Variants in PTPRT observed in about 807,000 individuals in gnomAD.
PTPRT encodes the protein receptor-type tyrosine-protein phosphatase T.
A neutral mutation model predicts 176.8 loss-of-function variants in PTPRT; 56 were observed. That is an observed-to-expected ratio of 0.32 (90% CI 0.26 to 0.40). The LOEUF is 0.40. Among genes scored for constraint, PTPRT ranks in the 10% least tolerant of loss-of-function variants. The probability of loss-of-function intolerance (pLI) is 1.00; values close to 1 mark genes in which losing one functional copy is unlikely to be tolerated. For missense variants in PTPRT, 1,540 were observed against 1,908.2 expected (o/e 0.81, Z 3.60); for synonymous variants, 783 against 739.0 (o/e 1.06, Z -0.96).
downstream of PTPRT, among the ~76,000 whole-genome samples, chr20:42,070,868 A>G (rs1982294686): frequency 6.6e-6 from 1 of 152,148 alleles, no homozygotes; most frequent in Non-Finnish European, 1.5e-5. Flanking sequence ...TATGCCCCCA[A>G]ATATTTTTTT....
intron 7 of PTPRT, among the ~76,000 whole-genome samples, chr20:42,536,117 G>A (rs1272775539): frequency 6.6e-6 from 1 of 151,996 alleles, no homozygotes; most frequent in Non-Finnish European, 1.5e-5. Flanking sequence ...TCAGAGCTCT[G>A]CCAGGGACAG....
chr20:42,250,241 A>G (rs376148480), intron 13 of PTPRT, among the ~76,000 whole-genome samples: 3 of 152,184 alleles, frequency 2.0e-5, no homozygotes, highest in East Asian at 1.9e-4. Flanking sequence ...TAGTTTTCCC[A>G]TGTTAGCACA....
chr20:42,497,694 G>T (rs1205305110), intron 7 of PTPRT, among the ~76,000 whole-genome samples: 1 of 151,938 alleles, frequency 6.6e-6, no homozygotes, highest in Admixed American at 6.6e-5. Flanking sequence ...GTTTTAAGTT[G>T]TCATATAATA....
intron 12 of PTPRT, among the ~76,000 whole-genome samples, chr20:42,306,765 A>G (rs568151635): frequency 2.8e-4 from 42 of 152,296 alleles, no homozygotes; most frequent in Admixed American, 7.2e-4. Context: ...ACAGGAGCAC[A>G]TTGAGTTTCA....
intron 7 of PTPRT, among the ~76,000 whole-genome samples, chr20:42,543,438 C>T (rs2145586889): frequency 6.6e-6 from 1 of 152,260 alleles, no homozygotes; most frequent in African/African-American, 2.4e-5. Context: ...TGCATCAATT[C>T]AGCTATATCT....
At chr20:42,237,645 A>G (rs531223197) in intron 14 of PTPRT, among the ~76,000 whole-genome samples, 1 of 152,300 alleles carries the variant, frequency 6.6e-6, no homozygotes, top group South Asian at 2.1e-4. Flanking sequence ...ACTGGCTTCA[A>G]TCTCTTTCCA....
At chr20:42,675,711 G>A (rs2075490391) in intron 7 of PTPRT, among the ~76,000 whole-genome samples, 1 of 152,198 alleles carries the variant, frequency 6.6e-6, no homozygotes, top group African/African-American at 2.4e-5. Flanking sequence ...TGGATCAGCT[G>A]GTGAATGTCA....
rs914612724 is a variant in PTPRT at position 42,875,621 on chromosome 20, G to T, written c.214+10186C>A. On this transcript the variant is annotated intron_variant, in intron 2 of 30. Coordinates refer to ENST00000373187, the MANE Select transcript of PTPRT (RefSeq NM_007050.6). ...TTAGGTGTTAGTTGAATAAACCATG[G>T]TTCATTCACCCAGGAGAATATCATG... 9.2e-5 allele frequency among the ~76,000 whole-genome samples: 14 copies of T among 152,108 alleles called. 1 individual carries two copies. The highest frequency in any genetic ancestry group is 3.4e-4 in the African/African-American group (14 of 41,404).
At chr20:43,151,646 G>A (rs913027181) in intron 1 of PTPRT, among the ~76,000 whole-genome samples, 1 of 152,034 alleles carries the variant, frequency 6.6e-6, no homozygotes, top group Non-Finnish European at 1.5e-5. Flanking sequence ...AGGATCACCT[G>A]AGGTCAGGAG....
At chr20:42,934,030 A>G (rs1057385332) in intron 1 of PTPRT, among the ~76,000 whole-genome samples, 9 of 152,208 alleles carry the variant, frequency 5.9e-5, no homozygotes, top group Non-Finnish European at 7.3e-5. Flanking sequence ...TAACTTTCAG[A>G]TTCCTATAAA....
chr20:42,905,394 C>A (rs143536171), intron 1 of PTPRT, among the ~76,000 whole-genome samples: 3 of 152,080 alleles, frequency 2.0e-5, no homozygotes, highest in Admixed American at 6.5e-5. Context: ...TTAGAATGGC[C>A]ATCATTAAAA....
chr20:42,150,417 T>C (rs917535753), intron 17 of PTPRT, among the ~76,000 whole-genome samples: 4 of 152,184 alleles, frequency 2.6e-5, no homozygotes, highest in Admixed American at 2.0e-4. Context: ...TCCTGGCTGA[T>C]GCTCCAGGGC....
intron 7 of PTPRT, among the ~76,000 whole-genome samples, chr20:42,490,870 G>T (rs1377034588): frequency 6.6e-6 from 1 of 151,720 alleles, no homozygotes; most frequent in Non-Finnish European, 1.5e-5. Flanking sequence ...ATTTTCTAAG[G>T]GTTTTAAAAA....
chr20:42,404,711 T>A (rs2058942480), intron 9 of PTPRT, among the ~76,000 whole-genome samples: 1 of 152,040 alleles, frequency 6.6e-6, no homozygotes, highest in Admixed American at 6.6e-5. Context: ...AAATTTCAAA[T>A]GTAAGGAACT....
At chr20:42,582,676 G>A (rs1020033587) in intron 7 of PTPRT, among the ~76,000 whole-genome samples, 4 of 152,152 alleles carry the variant, frequency 2.6e-5, no homozygotes, top group African/African-American at 9.7e-5. Flanking sequence ...ACCCTTTAGT[G>A]GTTTGTTTTG....
At chr20:42,445,130 G>A (rs1362507421) in intron 9 of PTPRT, among the ~76,000 whole-genome samples, 5 of 152,304 alleles carry the variant, frequency 3.3e-5, no homozygotes, top group South Asian at 2.1e-4. Context: ...TATGGACCAC[G>A]CTAAGTTGCA....
intron 13 of PTPRT, among the ~76,000 whole-genome samples, chr20:42,253,538 C>A (rs1230970589): frequency 1.3e-5 from 2 of 152,074 alleles, no homozygotes; most frequent in Non-Finnish European, 2.9e-5. Context: ...GATTTGGGAA[C>A]TGGGAGAAGG....
intron 2 of PTPRT, among the ~76,000 whole-genome samples, chr20:42,866,972 A>G (rs940973764): frequency 6.6e-6 from 1 of 152,260 alleles, no homozygotes; most frequent in African/African-American, 2.4e-5. Flanking sequence ...CCATGAAAAC[A>G]GATGCTCCAA....
At chr20:42,812,884 T>TTATAA (rs11473987) in intron 2 of PTPRT, among the ~76,000 whole-genome samples, 3,721 of 152,302 alleles carry the variant, frequency 0.024, 141 homozygotes, top group African/African-American at 0.08. Flanking sequence ...CTATATTTTG[T>TTATAA]TATATTTGAA....
Sources: allele counts gnomAD v4.1 joint callset (sites outside exome capture counted in the v4.1 genomes callset), GRCh38; gene constraint gnomAD v4.1.1; transcripts MANE v1.5; gene names NCBI Gene and HGNC (gene_info 2026-07-23, HGNC 2026-07-21).